Variants in PADI1 observed in about 807,000 individuals in gnomAD.
The protein encoded by PADI1 is protein-arginine deiminase type-1.
In PADI1, 65 loss-of-function variants were observed where a neutral mutation model predicts 74.8. The ratio of observed to expected loss-of-function variants is 0.87; its 90% confidence interval spans 0.71 to 1.07. The LOEUF is 1.07. PADI1 is among the 50% of genes least tolerant of loss of function. The pLI, the probability that PADI1 is intolerant of heterozygous loss-of-function variation, is 0.00. For synonymous variants in PADI1, 371 were observed against 336.2 expected (o/e 1.10, Z -1.13); for missense variants, 943 against 854.0 (o/e 1.10, Z -1.30).
chr1:17,222,220 C>T (rs759731688), intron 1 of PADI1, 70 bp from the exon 2 acceptor site: 76 of 1,191,428 alleles, frequency 6.4e-5, no homozygotes, highest in Non-Finnish European at 9.2e-5. Context: ...CAAGCCCCCA[C>T]CCCACTGTGG....
chr1:17,221,134 G>A (rs1456088830), intron 1 of PADI1, among the ~76,000 whole-genome samples: 1 of 152,134 alleles, frequency 6.6e-6, no homozygotes, highest in Non-Finnish European at 1.5e-5. Context: ...ACGGGGTGCT[G>A]GCATTAGTCA....
intron 13 of PADI1, 63 bp downstream of exon 13, chr1:17,238,772 C>CA (rs1307336607): frequency 3.8e-6 from 3 of 797,950 alleles, no homozygotes; most frequent in Non-Finnish European, 5.6e-6. Flanking sequence ...TCCTTGGGTA[C>CA]AGCCCCTGCA....
At chr1:17,218,005 A>G (rs1053322095) in intron 1 of PADI1, among the ~76,000 whole-genome samples, 2 of 152,276 alleles carry the variant, frequency 1.3e-5, no homozygotes, top group Non-Finnish European at 2.9e-5. Flanking sequence ...GAAGGGTGAC[A>G]TGCATCTTCA....
intron 6 of PADI1, among the ~76,000 whole-genome samples, chr1:17,226,726 C>T (rs891559773): frequency 2.0e-5 from 3 of 152,092 alleles, no homozygotes; most frequent in African/African-American, 4.8e-5. Flanking sequence ...GCAGCCTGGC[C>T]AACACAGTGA....
intron 1 of PADI1, among the ~76,000 whole-genome samples, chr1:17,209,534 C>G (rs2071781184): frequency 1.3e-5 from 2 of 152,228 alleles, no homozygotes; most frequent in Non-Finnish European, 2.9e-5. Context: ...CCCTGCTCCC[C>G]TGGGTCCTAG....
intron 1 of PADI1, among the ~76,000 whole-genome samples, chr1:17,211,467 T>C (rs934880733): frequency 6.6e-6 from 1 of 152,202 alleles, no homozygotes; most frequent in Non-Finnish European, 1.5e-5. Flanking sequence ...CCGGCAGCCC[T>C]GTTTTAAGTG....
chr1:17,215,613 T>G (rs946426211), intron 1 of PADI1, among the ~76,000 whole-genome samples: 4 of 152,206 alleles, frequency 2.6e-5, no homozygotes, highest in Admixed American at 2.0e-4. Context: ...CCTGGGCTTG[T>G]GGCTACTTGC....
rs3003406 is a variant in PADI1 at position 17,230,638 on chromosome 1, A to C, written c.1120A>C (p.Arg374=). The C allele has an allele frequency of 0.42, 670,696 of 1,608,184 alleles. 141,890 individuals are homozygous for C. Among genetic ancestry groups the C allele is most frequent in the South Asian group, 0.47 (42,301 of 90,552 alleles). The change falls in exon 10 of 16, where the codon AGG becomes CGG. Residue 374 remains arginine, a synonymous_variant. Transcript: ENST00000375471. ...KSFPVVFDSP[R]NRGLKDFPYK... ...CTTCCCCGTGGTCTTTGACTCCCCC[A>C]GGAACAGGGGCCTGAAAGATTTCCC...
intron 1 of PADI1, among the ~76,000 whole-genome samples, chr1:17,220,642 C>T (rs2072116401): frequency 1.3e-5 from 2 of 152,100 alleles, no homozygotes; most frequent in Admixed American, 6.5e-5. Context: ...GTCCTGGTGG[C>T]TGATGGCTCT....
At chr1:17,220,507 C>G (rs756263497) in intron 1 of PADI1, among the ~76,000 whole-genome samples, 14 of 152,112 alleles carry the variant, frequency 9.2e-5, no homozygotes, top group Admixed American at 3.3e-4. Context: ...TTATTGAGCA[C>G]CTACTATGGG....
chr1:17,216,696 C>A (rs1414981685), intron 1 of PADI1, among the ~76,000 whole-genome samples: 1 of 152,020 alleles, frequency 6.6e-6, no homozygotes, highest in Admixed American at 6.5e-5. Flanking sequence ...CATGGCGAAA[C>A]CCCATCTCTA....
chr1:17,222,176 G>A (rs2072172381), intron 1 of PADI1, 114 bp from the exon 2 acceptor site: 6 of 710,154 alleles, frequency 8.4e-6, no homozygotes, highest in Non-Finnish European at 1.5e-5. Context: ...CAGCCTGACT[G>A]TTGAGGGGTG....
chr1:17,235,786 T>C lies in PADI1; in HGVS notation c.1314-1528T>C, dbSNP rs555546738. ...AGTCTCTATATCACACTGCAACACA[T>C]GGACATCCTTACCTGTCTGCTCCCA... is the stretch of plus-strand genomic sequence containing the variant. On this transcript the variant is annotated intron_variant, in intron 11 of 15. Coordinates refer to ENST00000375471, the MANE Select transcript of PADI1 (RefSeq NM_013358.3). Among the ~76,000 whole-genome samples the C allele has an allele frequency of 5.3e-5, 8 of 152,200 alleles. No homozygotes were observed. The East Asian group carries it at 1.4e-3, about 26-fold the overall frequency.
At position 17,244,060 on chromosome 1, in the gene PADI1, G is replaced by A; in HGVS notation, c.1809G>A (p.Gly603=). ...ACCTGGGCATCCCCAAGCCCTACGG[G>A]CCCATCATCAATGGCCGCTGCTGCC... The part of the protein sequence containing the change: ...GKYLGIPKPY[G]PIINGRCCLE... The change falls in exon 16 of 16, where the codon GGG becomes GGA. Residue 603 remains glycine, a synonymous_variant. Coordinates refer to ENST00000375471, the MANE Select transcript of PADI1 (RefSeq NM_013358.3). The A allele has an allele frequency of 6.2e-7, 1 of 1,614,216 alleles. No homozygotes were observed. The highest frequency in any genetic ancestry group is 1.1e-5 in the South Asian group (1 of 91,084).
intron 11 of PADI1, among the ~76,000 whole-genome samples, chr1:17,235,939 G>A (rs1435960074): frequency 6.6e-6 from 1 of 152,198 alleles, no homozygotes; most frequent in East Asian, 1.9e-4. Context: ...GTGTGGACGT[G>A]TCCCCATTCC....
chr1:17,228,818 T>TG (rs1557470373), intron 7 of PADI1, 21 bp downstream of exon 7: 10 of 1,593,762 alleles, frequency 6.3e-6, no homozygotes, highest in Non-Finnish European at 6.8e-6. Flanking sequence ...CACTGGGGGG[T>TG]GGCCAAGGAG....
In PADI1 at chr1:17,244,412, C is replaced by T. The variant is rs2072842193; in HGVS notation, c.*169C>T. 2 of 697,018 alleles carry T rather than the reference C, an allele frequency of 2.9e-6. No homozygotes were observed. Among genetic ancestry groups the T allele is most frequent in the Middle Eastern group, 2.3e-4 (1 of 4,358 alleles). 43.2% of individuals were successfully genotyped at this position (697,018 alleles called of 1,614,324 possible). On this transcript the variant is annotated 3_prime_UTR_variant, in exon 16 of 16. Coordinates refer to ENST00000375471, the MANE Select transcript of PADI1 (RefSeq NM_013358.3). ...CAGGGATGGATACCACCTACCCTCG[C>T]CTCTGGAATGGCCTACCCAACCCGA...
intron 1 of PADI1, among the ~76,000 whole-genome samples, chr1:17,218,509 A>G (rs1165458987): frequency 6.6e-6 from 1 of 152,152 alleles, no homozygotes; most frequent in Non-Finnish European, 1.5e-5. Flanking sequence ...CAAGTGGGAA[A>G]GTGTTTCAAA....
chr1:17,224,230 T>C (rs1177127283), intron 3 of PADI1, 137 bp from the exon 4 acceptor site: 1 of 712,386 alleles, frequency 1.4e-6, no homozygotes, highest in Admixed American at 2.2e-5. Flanking sequence ...GTCTCCCAAG[T>C]GTGGGGTCTG....
Sources: allele counts gnomAD v4.1 joint callset (sites outside exome capture counted in the v4.1 genomes callset), GRCh38; gene constraint gnomAD v4.1.1; transcripts MANE v1.5; gene names NCBI Gene and HGNC (gene_info 2026-07-23, HGNC 2026-07-21).